KCNN2: variants seen among roughly 807,000 people sequenced by gnomAD.
KCNN2 encodes potassium calcium-activated channel subfamily N member 2, also known as small conductance calcium-activated potassium channel protein 2.
Under a neutral mutation model 55.5 loss-of-function variants are expected in KCNN2, and 24 were observed. The observed-to-expected ratio is 0.43, with a 90% CI of 0.31 to 0.61. The LOEUF is 0.61. KCNN2 is among the 20% of genes least tolerant of loss of function. KCNN2 has a pLI of 0.08. For missense variants in KCNN2, 754 were observed against 853.6 expected (o/e 0.88, Z 1.45); for synonymous variants, 431 against 336.1 (o/e 1.28, Z -3.09).
intron 5 of KCNN2, among the ~76,000 whole-genome samples, chr5:114,485,788 A>G (rs1312457116): frequency 6.6e-6 from 1 of 152,206 alleles, no homozygotes; most frequent in Non-Finnish European, 1.5e-5. Flanking sequence ...GAGTTGTAGC[A>G]ATATAATGTT....
chr5:114,232,267 G>A (rs1318528835), intron 2 of KCNN2, among the ~76,000 whole-genome samples: 1 of 151,002 alleles, frequency 6.6e-6, no homozygotes, highest in Non-Finnish European at 1.5e-5. Context: ...CAGGTCATGA[G>A]TCCTATTTAC....
rs183340940 is a variant in KCNN2 at position 114,233,212 on chromosome 5, G to A, written c.-185+11647G>A. On this transcript the variant is annotated intron_variant, in intron 2 of 10. Transcript: ENST00000512097. Reference sequence around the variant, plus strand: ...TGGGATTACAGGCGTGAGCCACCGCGCCCGGCCTATTGTTTCTTGTTTTAA... The same window carrying A: ...TGGGATTACAGGCGTGAGCCACCGCACCCGGCCTATTGTTTCTTGTTTTAA... Among the ~76,000 whole-genome samples the A allele has an allele frequency of 3.8e-3, 572 of 151,980 alleles. 1 individual carries two copies. The highest frequency in any genetic ancestry group is 8.6e-3 in the Admixed American group (131 of 15,252).
chr5:114,405,367 T>G (rs1758899913), intron 3 of KCNN2, among the ~76,000 whole-genome samples: 1 of 152,222 alleles, frequency 6.6e-6, no homozygotes, highest in Admixed American at 6.5e-5. Flanking sequence ...TATTAGTTTG[T>G]ACTGAACTTT....
intron 4 of KCNN2, among the ~76,000 whole-genome samples, chr5:114,472,503 G>T (rs1229464106): frequency 1.3e-5 from 2 of 152,088 alleles, no homozygotes; most frequent in African/African-American, 4.8e-5. Flanking sequence ...CCCAGGTTAA[G>T]ATCACTGTGA....
chr5:114,139,231 A>T (rs1394962975), intron 1 of KCNN2, among the ~76,000 whole-genome samples: 2 of 152,250 alleles, frequency 1.3e-5, no homozygotes, highest in East Asian at 3.9e-4. Flanking sequence ...AGACATGTGG[A>T]TAGTGTTTTT....
At chr5:114,074,441 C>T (rs1750645267) in intron 1 of KCNN2, among the ~76,000 whole-genome samples, 1 of 152,140 alleles carries the variant, frequency 6.6e-6, no homozygotes. Flanking sequence ...AACAAAATCC[C>T]CCTCACTTAT....
intron 2 of KCNN2, among the ~76,000 whole-genome samples, chr5:114,277,771 A>T (rs756582300): frequency 7.9e-5 from 12 of 151,956 alleles, no homozygotes; most frequent in Non-Finnish European, 1.6e-4. Flanking sequence ...CTGCCTTGTG[A>T]TGGGTTAGAA....
intron 3 of KCNN2, among the ~76,000 whole-genome samples, chr5:114,453,006 T>C (rs1760760613): frequency 6.6e-6 from 1 of 152,232 alleles, no homozygotes; most frequent in South Asian, 2.1e-4. Context: ...TGCATCTCTC[T>C]GAGCCTGCAG....
At chr5:114,072,045 C>T (rs1750579999) in intron 1 of KCNN2, among the ~76,000 whole-genome samples, 1 of 152,196 alleles carries the variant, frequency 6.6e-6, no homozygotes, top group African/African-American at 2.4e-5. Context: ...GAAATCCCAG[C>T]ACTTTGGGAG....
chr5:114,460,962 G>A (rs1250581521), intron 3 of KCNN2, among the ~76,000 whole-genome samples: 1 of 152,148 alleles, frequency 6.6e-6, no homozygotes, highest in Non-Finnish European at 1.5e-5. Flanking sequence ...TTACGATAGG[G>A]TAATGTATTT....
intron 5 of KCNN2, among the ~76,000 whole-genome samples, chr5:114,477,540 A>G: frequency 6.6e-6 from 1 of 152,186 alleles, no homozygotes; most frequent in East Asian, 1.9e-4. Flanking sequence ...AGAACAAACT[A>G]ATGATTTTGA....
At chr5:114,108,678 A>G (rs1288248649) in intron 1 of KCNN2, among the ~76,000 whole-genome samples, 1 of 152,092 alleles carries the variant, frequency 6.6e-6, no homozygotes, top group Non-Finnish European at 1.5e-5. Context: ...AGAGTCATGC[A>G]TGCTGTTGCA....
chr5:114,091,707 G>C (rs1402488186), intron 1 of KCNN2, among the ~76,000 whole-genome samples: 1 of 152,148 alleles, frequency 6.6e-6, no homozygotes, highest in African/African-American at 2.4e-5. Context: ...AGGTAAAGGG[G>C]AAGCAAGGCA....
At chr5:114,237,045 C>G (rs975386326) in intron 2 of KCNN2, among the ~76,000 whole-genome samples, 1 of 152,062 alleles carries the variant, frequency 6.6e-6, no homozygotes, top group African/African-American at 2.4e-5. Context: ...CTAAAATAGT[C>G]TTGAACATAA....
At chr5:114,460,432 G>A (rs1260175191) in intron 3 of KCNN2, among the ~76,000 whole-genome samples, 1 of 152,034 alleles carries the variant, frequency 6.6e-6, no homozygotes, top group Admixed American at 6.6e-5. Flanking sequence ...TAGTAGAGAT[G>A]GGGTTTCACT....
intron 1 of KCNN2, among the ~76,000 whole-genome samples, chr5:114,200,868 G>A (rs559209268): frequency 1.2e-4 from 18 of 152,216 alleles, no homozygotes; most frequent in African/African-American, 3.1e-4. Flanking sequence ...TGGGGACTTC[G>A]ATGTCAAGTG....
chr5:114,214,692 A>G (rs954936280), intron 1 of KCNN2, among the ~76,000 whole-genome samples: 1 of 152,126 alleles, frequency 6.6e-6, no homozygotes, highest in East Asian at 1.9e-4. Context: ...CCTTCTTTCA[A>G]AGAATGAAAT....
At chr5:114,451,653 T>A (rs886927529) in intron 3 of KCNN2, among the ~76,000 whole-genome samples, 3 of 152,044 alleles carry the variant, frequency 2.0e-5, no homozygotes, top group African/African-American at 7.2e-5. Context: ...TCCCAGCACT[T>A]TGGGAGGCCA....
At chr5:114,282,129 C>T (rs935331995) in intron 2 of KCNN2, among the ~76,000 whole-genome samples, 2 of 152,026 alleles carry the variant, frequency 1.3e-5, no homozygotes, top group Non-Finnish European at 2.9e-5. Flanking sequence ...AGTACTGTAT[C>T]AGTCTCTATC....
Sources: gnomAD v4.1 joint callset for allele counts (sites outside exome capture counted in the v4.1 genomes callset) on GRCh38, gnomAD v4.1.1 for gene constraint, MANE v1.5 for transcripts, NCBI Gene and HGNC (gene_info 2026-07-23, HGNC 2026-07-21) for gene names.